GNA14: variants seen among roughly 807,000 people sequenced by gnomAD.
The protein encoded by GNA14 is guanine nucleotide-binding protein subunit alpha-14.
In GNA14, 50 loss-of-function variants were observed where a neutral mutation model predicts 42.0. The observed-to-expected ratio is 1.19, with a 90% confidence interval of 0.95 to 1.51. GNA14 has a LOEUF of 1.51. GNA14 is among the 40% of genes most tolerant of loss of function. GNA14 has a pLI of 0.00. For synonymous variants in GNA14, 173 were observed against 163.1 expected, an observed-to-expected ratio of 1.06 and a Z score of -0.46; for missense variants, 473 against 446.2, an observed-to-expected ratio of 1.06 and a Z score of -0.54.
chr9:77,606,319 TTAAGTG>T (rs1418608425), intron 1 of GNA14, among the ~76,000 whole-genome samples: 3 of 152,210 alleles, frequency 2.0e-5, no homozygotes, highest in East Asian at 1.9e-4. Flanking sequence ...TTCTCATCTT[TTAAGTG>T]TAAGTATTTC....
chr9:77,607,696 A>C (rs1823661492), intron 1 of GNA14, among the ~76,000 whole-genome samples: 1 of 152,176 alleles, frequency 6.6e-6, no homozygotes, highest in Non-Finnish European at 1.5e-5. Context: ...TATTTCTCAC[A>C]GTTCTGAAGG....
At chr9:77,545,535 C>T (rs1472064343) in intron 1 of GNA14, among the ~76,000 whole-genome samples, 2 of 152,106 alleles carry the variant, frequency 1.3e-5, no homozygotes, top group Non-Finnish European at 2.9e-5. Context: ...AATGCGTGGT[C>T]AAAGTAACAG....
intron 1 of GNA14, 102 bp from the exon 2 acceptor site, chr9:77,529,355 T>C (rs1837493934): frequency 1.1e-6 from 1 of 890,848 alleles, no homozygotes; most frequent in Admixed American, 1.8e-5. Context: ...TCCCAATTAA[T>C]AGGCTGATGG....
intron 1 of GNA14, among the ~76,000 whole-genome samples, chr9:77,552,373 C>T (rs943243059): frequency 1.5e-4 from 23 of 151,946 alleles, no homozygotes; most frequent in African/African-American, 5.3e-4. Flanking sequence ...TAACATGCTC[C>T]GAGCATTTCT....
At chr9:77,504,182 T>G (rs1837022347) in intron 2 of GNA14, among the ~76,000 whole-genome samples, 1 of 151,874 alleles carries the variant, frequency 6.6e-6, no homozygotes, top group Non-Finnish European at 1.5e-5. Context: ...ATAGCCAACT[T>G]AAGCTATGAG....
intron 1 of GNA14, among the ~76,000 whole-genome samples, chr9:77,633,664 C>A (rs916897909): frequency 4.6e-5 from 7 of 151,688 alleles, no homozygotes; most frequent in African/African-American, 1.7e-4. Flanking sequence ...AAGAAGCGGG[C>A]ACAGCAGATA....
At chr9:77,464,266 C>T (rs1210667313) in intron 2 of GNA14, among the ~76,000 whole-genome samples, 1 of 151,878 alleles carries the variant, frequency 6.6e-6, no homozygotes, top group Non-Finnish European at 1.5e-5. Flanking sequence ...CTCCCAAAGT[C>T]CTGGGATTAC....
intron 2 of GNA14, among the ~76,000 whole-genome samples, chr9:77,501,878 T>C (rs1017594578): frequency 2.6e-5 from 4 of 151,898 alleles, no homozygotes; most frequent in Admixed American, 6.6e-5. Context: ...ACCCAGCTAG[T>C]TTATGTATTT....
At chr9:77,532,426 T>C (rs1291849189) in intron 1 of GNA14, among the ~76,000 whole-genome samples, 1 of 152,066 alleles carries the variant, frequency 6.6e-6, no homozygotes, top group Non-Finnish European at 1.5e-5. Context: ...CAGCAGCAGG[T>C]GAATGCAGGG....
At chr9:77,424,638 C>T (rs921236406) in intron 6 of GNA14, among the ~76,000 whole-genome samples, 7 of 152,080 alleles carry the variant, frequency 4.6e-5, no homozygotes, top group African/African-American at 1.7e-4. Flanking sequence ...TCATCATGAA[C>T]CCATAAAATA....
chr9:77,457,878 C>CT (rs146854114), intron 2 of GNA14, among the ~76,000 whole-genome samples: 5,939 of 149,442 alleles, frequency 0.04, 244 homozygotes, highest in African/African-American at 0.097. Context: ...CCTTGCTCTG[C>CT]TTTTTTTTTT....
At chr9:77,454,850 G>A (rs768590341) in intron 2 of GNA14, among the ~76,000 whole-genome samples, 3 of 152,122 alleles carry the variant, frequency 2.0e-5, no homozygotes, top group Middle Eastern at 3.2e-3. Flanking sequence ...ACATATATTA[G>A]CATCTCCCAT....
chr9:77,623,464 C>T (rs1823965691), intron 1 of GNA14, among the ~76,000 whole-genome samples: 1 of 152,136 alleles, frequency 6.6e-6, no homozygotes, highest in Non-Finnish European at 1.5e-5. Context: ...ATTAATAATA[C>T]TCTCACAGTG....
chr9:77,439,591 C>A (rs1432686301), intron 2 of GNA14, among the ~76,000 whole-genome samples: 1 of 152,300 alleles, frequency 6.6e-6, no homozygotes, highest in Middle Eastern at 3.4e-3. Flanking sequence ...GAGCCAAGAT[C>A]GTGCCACCGC....
intron 2 of GNA14, among the ~76,000 whole-genome samples, chr9:77,525,925 C>G (rs1837429490): frequency 7.4e-6 from 1 of 135,482 alleles, no homozygotes. Context: ...AAAAAAAAAA[C>G]GGAGTTTCAC....
chr9:77,552,726 A>C (rs1295367450), intron 1 of GNA14, among the ~76,000 whole-genome samples: 1 of 152,202 alleles, frequency 6.6e-6, no homozygotes, highest in East Asian at 1.9e-4. Flanking sequence ...AACAAGGATA[A>C]ATTTTAATAT....
In GNA14 at chr9:77,583,287, A is replaced by G. The variant is rs572617704; in HGVS notation, c.125-54034T>C. Among the ~76,000 whole-genome samples, 12 of 152,322 alleles carry G rather than the reference A, an allele frequency of 7.9e-5. No individual in the cohort carries two copies. In the South Asian group the frequency reaches 2.1e-3, roughly 26 times the overall value. On this transcript the variant is annotated intron_variant, in intron 1 of 6. Coordinates refer to ENST00000341700, the MANE Select transcript of GNA14 (RefSeq NM_004297.4). ...AAGAAAACAATCAAGGAAGACAAGA[A>G]AGCATTAAATTTACACCCGAGGTCA...
chr9:77,493,026 A>ATATATATAT (rs1261356124), intron 2 of GNA14, among the ~76,000 whole-genome samples: 37 of 51,676 alleles, frequency 7.2e-4, no homozygotes, highest in African/African-American at 4.0e-3. Flanking sequence ...AAAAAAAAAA[A>ATATATATAT]ATATATATAT....
chr9:77,541,136 C>T (rs903566829), intron 1 of GNA14, among the ~76,000 whole-genome samples: 1 of 151,964 alleles, frequency 6.6e-6, no homozygotes, highest in South Asian at 2.1e-4. Context: ...TTTATATTCT[C>T]GTGTGTTTTC....
Sources: gnomAD v4.1 joint callset for allele counts (sites outside exome capture counted in the v4.1 genomes callset) on GRCh38, gnomAD v4.1.1 for gene constraint, MANE v1.5 for transcripts, NCBI Gene and HGNC (gene_info 2026-07-23, HGNC 2026-07-21) for gene names.